The following SLC7A11 variants were observed in gnomAD, a reference collection of about 807,000 sequenced individuals.
SLC7A11 encodes the protein solute carrier family 7 member 11.
In SLC7A11, 35 loss-of-function variants were observed where a neutral mutation model predicts 54.5. That is an observed-to-expected ratio of 0.64 (90% CI 0.49 to 0.85). The LOEUF (loss-of-function observed/expected upper bound fraction) is 0.85, where lower values mean the gene tolerates loss of function less well. SLC7A11 is among the 40% of genes least tolerant of loss of function. The probability of loss-of-function intolerance (pLI) is 0.00; values close to 1 mark genes in which losing one functional copy is unlikely to be tolerated. For synonymous variants in SLC7A11, 230 were observed against 225.2 expected (o/e 1.02, Z -0.19); for missense variants, 583 against 618.1 (o/e 0.94, Z 0.60).
intron 6 of SLC7A11, among the ~76,000 whole-genome samples, chr4:138,213,038 G>A (rs1178553478): frequency 1.3e-5 from 2 of 151,696 alleles, no homozygotes; most frequent in Non-Finnish European, 2.9e-5. Context: ...CTCTATGCTG[G>A]TGCTTACATA....
chr4:138,197,316 T>A (rs1737162473), intron 6 of SLC7A11, among the ~76,000 whole-genome samples: 1 of 152,162 alleles, frequency 6.6e-6, no homozygotes, highest in Non-Finnish European at 1.5e-5. Context: ...TTTGCTATGT[T>A]GTTAAGAAGT....
chr4:138,189,956 GA>G (rs1288291241), intron 6 of SLC7A11, among the ~76,000 whole-genome samples: 2 of 152,102 alleles, frequency 1.3e-5, no homozygotes, highest in Non-Finnish European at 2.9e-5. Flanking sequence ...CTAATCGTCT[GA>G]ATTTAGGATA....
At position 138,166,471 on chromosome 4, in the gene SLC7A11, C is replaced by T. The variant is rs1019816748; in HGVS notation, c.*5485G>A. 2 of 152,508 alleles carry T rather than the reference C, an allele frequency of 1.3e-5. No individual in the cohort carries two copies. The highest frequency in any genetic ancestry group is 2.9e-5 in the Non-Finnish European group (2 of 68,012). 9.4% of individuals were successfully genotyped at this position (152,508 alleles called of 1,614,324 possible). On this transcript the variant is annotated 3_prime_UTR_variant, in exon 12 of 12. Coordinates refer to ENST00000280612, the MANE Select transcript of SLC7A11 (RefSeq NM_014331.4). Reference sequence around the variant, plus strand: ...TCAGCACGGCCTTCTGAGGCTTTAACAAGAGGTAATAAGGACTTAGCAAGC... The same window carrying T: ...TCAGCACGGCCTTCTGAGGCTTTAATAAGAGGTAATAAGGACTTAGCAAGC...
intron 4 of SLC7A11, among the ~76,000 whole-genome samples, chr4:138,220,972 T>C (rs868229948): frequency 2.3e-4 from 35 of 152,204 alleles, no homozygotes; most frequent in Admixed American, 5.2e-4. Context: ...TTAAATGACA[T>C]GATAAATTCA....
intron 6 of SLC7A11, among the ~76,000 whole-genome samples, chr4:138,195,209 A>T (rs1371376685): frequency 3.3e-5 from 5 of 152,204 alleles, no homozygotes; most frequent in Non-Finnish European, 7.4e-5. Flanking sequence ...CTGTGGGATC[A>T]GGTCAGACCT....
At chr4:138,194,710 G>A (rs973604870) in intron 6 of SLC7A11, among the ~76,000 whole-genome samples, 4 of 152,052 alleles carry the variant, frequency 2.6e-5, no homozygotes, top group Admixed American at 1.3e-4. Context: ...TGATTTCACA[G>A]AATTATGGAA....
At chr4:138,230,510 A>G (rs1321086709) in intron 3 of SLC7A11, among the ~76,000 whole-genome samples, 4 of 152,146 alleles carry the variant, frequency 2.6e-5, no homozygotes, top group Non-Finnish European at 5.9e-5. Context: ...ATATTAATAG[A>G]TTATCTTTTC....
intron 3 of SLC7A11, among the ~76,000 whole-genome samples, chr4:138,228,985 T>A (rs1289134018): frequency 6.6e-6 from 1 of 152,290 alleles, no homozygotes; most frequent in Non-Finnish European, 1.5e-5. Context: ...TAGTATTTAC[T>A]TAACCCCCCA....
chr4:138,226,858 T>G (rs1029451346), intron 3 of SLC7A11, among the ~76,000 whole-genome samples: 1 of 152,212 alleles, frequency 6.6e-6, no homozygotes, highest in Non-Finnish European at 1.5e-5. Flanking sequence ...GAAATAATTA[T>G]ATCAGTCTGG....
At chr4:138,213,396 T>C (rs910826030) in intron 6 of SLC7A11, among the ~76,000 whole-genome samples, 8 of 152,090 alleles carry the variant, frequency 5.3e-5, no homozygotes, top group Non-Finnish European at 1.2e-4. Flanking sequence ...GGTGCCAGAA[T>C]TTCCTAGTCT....
chr4:138,227,278 A>G (rs905797588), intron 3 of SLC7A11, among the ~76,000 whole-genome samples: 1 of 152,174 alleles, frequency 6.6e-6, no homozygotes. Context: ...GTTGAGATAA[A>G]GTGGGTTGTT....
chr4:138,189,757 A>T (rs1736963290), intron 6 of SLC7A11, among the ~76,000 whole-genome samples: 1 of 152,170 alleles, frequency 6.6e-6, no homozygotes, highest in Admixed American at 6.6e-5. Flanking sequence ...CATGCTTTGC[A>T]ACTCTATCAT....
intron 6 of SLC7A11, among the ~76,000 whole-genome samples, chr4:138,197,819 TG>T (rs2148424954): frequency 6.6e-6 from 1 of 151,898 alleles, no homozygotes; most frequent in South Asian, 2.1e-4. Flanking sequence ...ATATAGTAAT[TG>T]GTTGATATAT....
At chr4:138,186,972 T>C (rs1312098716) in intron 6 of SLC7A11, among the ~76,000 whole-genome samples, 5 of 152,126 alleles carry the variant, frequency 3.3e-5, no homozygotes, top group Non-Finnish European at 7.4e-5. Flanking sequence ...TGCAAGCATA[T>C]GCTTAAGGTA....
At chr4:138,228,226 T>C (rs1279703271) in intron 3 of SLC7A11, among the ~76,000 whole-genome samples, 1 of 152,098 alleles carries the variant, frequency 6.6e-6, no homozygotes, top group Non-Finnish European at 1.5e-5. Context: ...ATAGATAAAA[T>C]AAACTAGCAA....
intron 6 of SLC7A11, among the ~76,000 whole-genome samples, chr4:138,201,842 G>GT (rs1737293470): frequency 6.6e-6 from 1 of 152,102 alleles, no homozygotes; most frequent in African/African-American, 2.4e-5. Context: ...CGATCTTAAG[G>GT]TAAGCATTAG....
At position 138,166,153 on chromosome 4, in the gene SLC7A11, C is replaced by T. The variant is rs373592494; in HGVS notation, c.*5803G>A. 2 of 152,226 alleles carry T rather than the reference C, an allele frequency of 1.3e-5. No homozygotes were observed. The highest frequency in any genetic ancestry group is 4.8e-5 in the African/African-American group (2 of 41,544). 9.4% of individuals were successfully genotyped at this position (152,226 alleles called of 1,614,324 possible). ...AGAAATCTTTTGAAATAAGACAGTT[C>T]AAACCTAGGACCAGGTAACCACATT... On this transcript the variant is annotated 3_prime_UTR_variant, in exon 12 of 12. Transcript: ENST00000280612.
intron 3 of SLC7A11, among the ~76,000 whole-genome samples, chr4:138,232,032 G>A (rs1738091873): frequency 1.3e-5 from 2 of 152,094 alleles, no homozygotes; most frequent in South Asian, 2.1e-4. Flanking sequence ...TTACTAGTAA[G>A]GTGATTTTTA....
intron 3 of SLC7A11, among the ~76,000 whole-genome samples, chr4:138,225,713 G>A (rs1165078437): frequency 1.3e-5 from 2 of 152,046 alleles, no homozygotes; most frequent in African/African-American, 4.8e-5. Context: ...CAACGTTGGT[G>A]TAAAAGTGAA....
Sources: allele counts gnomAD v4.1 joint callset (sites outside exome capture counted in the v4.1 genomes callset), GRCh38; gene constraint gnomAD v4.1.1; transcripts MANE v1.5; gene names NCBI Gene and HGNC (gene_info 2026-07-23, HGNC 2026-07-21).